STRA6: variants seen among roughly 807,000 people sequenced by gnomAD.
STRA6 encodes the protein signaling receptor and transporter of retinol STRA6.
Under a neutral mutation model 83.6 loss-of-function variants are expected in STRA6, and 48 were observed. The ratio of observed to expected loss-of-function variants is 0.57; its 90% CI spans 0.46 to 0.73. The LOEUF (loss-of-function observed/expected upper bound fraction) is 0.73. Among genes scored for constraint, STRA6 ranks in the 30% least tolerant of loss-of-function variants. The pLI, the probability that STRA6 is intolerant of heterozygous loss-of-function variation, is 0.00. For synonymous variants in STRA6, 353 were observed against 362.3 expected, an observed-to-expected ratio of 0.97 and a Z score of 0.29; for missense variants, 760 against 838.8, an observed-to-expected ratio of 0.91 and a Z score of 1.16.
chr15:74,191,312 G>A, intron 9 of STRA6, 69 bp from the exon 10 acceptor site: 2 of 1,610,526 alleles, frequency 1.2e-6, no homozygotes, highest in African/African-American at 1.3e-5. Context: ...AGCCCCAGAG[G>A]CTGGTCATTC....
At chr15:74,181,183 C>A in intron 17 of STRA6, 112 bp downstream of exon 17, 1 of 1,498,840 alleles carries the variant, frequency 6.7e-7, no homozygotes, top group Non-Finnish European at 9.0e-7. Context: ...GCACATGCAG[C>A]TACAGGCATC....
intron 12 of STRA6, 107 bp from the exon 13 acceptor site, chr15:74,185,162 C>A: frequency 9.2e-7 from 1 of 1,090,690 alleles, no homozygotes; most frequent in Non-Finnish European, 1.4e-6. Context: ...CCCCCTGCCC[C>A]AAACTGAACT....
At position 74,185,071 on chromosome 15, in the gene STRA6, T is replaced by C; in HGVS notation, c.1091-16A>G. On this transcript the variant is annotated splice_polypyrimidine_tract_variant and intron_variant, in intron 12 of 18. Transcript: ENST00000395105. ...ATGTAGCACACTGGTGGGCAGAGAA[T>C]GAGCAAAGTGAGAGGTCAGGGTCTG... 1 of 1,613,128 alleles carries C rather than the reference T, an allele frequency of 6.2e-7. No individual in the cohort carries two copies. The highest frequency in any genetic ancestry group is 8.5e-7 in the Non-Finnish European group (1 of 1,179,398).
upstream of STRA6, among the ~76,000 whole-genome samples, chr15:74,211,389 CT>C (rs1249975573): frequency 1.4e-5 from 2 of 146,846 alleles, no homozygotes; most frequent in Non-Finnish European, 3.0e-5. Flanking sequence ...ATATCTGCCC[CT>C]GGCTTTTTTT....
chr15:74,192,990 C>G (rs1232697663), intron 8 of STRA6, among the ~76,000 whole-genome samples: 1 of 152,190 alleles, frequency 6.6e-6, no homozygotes, highest in Non-Finnish European at 1.5e-5. Context: ...CAGCACTGAG[C>G]CCGGGGCCTG....
rs776370037 is a variant in STRA6 at position 74,189,218 on chromosome 15, G to C, written c.987C>G (p.Val329=). ...VPTIQKVRAG[V]TTDVSYLLAG... is the part of the protein sequence containing the mutation. ...CCAGCAGGTAGGAGACATCCGTGGTGACCCCTGCCCTCACCTTCTGGATAG... is the reference window on the plus strand; with the variant it reads ...CCAGCAGGTAGGAGACATCCGTGGTCACCCCTGCCCTCACCTTCTGGATAG... The change falls in exon 12 of 19, where the codon GTC becomes GTG. Residue 329 remains valine (V), a synonymous_variant. Coordinates refer to ENST00000395105, the MANE Select transcript of STRA6 (RefSeq NM_022369.4). 2 of 1,612,228 alleles carry C rather than the reference G, an allele frequency of 1.2e-6. No individual in the cohort carries two copies. Among genetic ancestry groups the C allele is most frequent in the South Asian group, 1.1e-5 (1 of 90,500 alleles).
In STRA6 at chr15:74,197,798, G is replaced by A; in HGVS notation, c.134C>T (p.Thr45Ile). Residue 45 changes from threonine to isoleucine, a missense_variant, in exon 3 of 19, where the codon ACC becomes ATC. Transcript: ENST00000395105. ...QPEGEVPSCH[T>I]SIPPGLYHAC... ...GTGGTACAGGCCGGGTGGTATGCTG[G>A]TGTGGCAGGAGGGCACTTCCCTGCA... 6.2e-7 allele frequency: 1 copy of A among 1,613,542 alleles called. No homozygotes were observed. The highest frequency in any genetic ancestry group is 1.3e-5 in the African/African-American group (1 of 75,062).
chr15:74,196,409 G>T (rs2142056208), intron 4 of STRA6: 2 of 510,242 alleles, frequency 3.9e-6, no homozygotes, highest in African/African-American at 1.9e-5. Flanking sequence ...CACCCTGGAA[G>T]CTCCAGGAAG....
upstream of STRA6, among the ~76,000 whole-genome samples, chr15:74,207,276 A>T (rs2074280828): frequency 6.6e-6 from 1 of 152,132 alleles, no homozygotes; most frequent in South Asian, 2.1e-4. Context: ...AACCTCAGAA[A>T]CATCCCCTCA....
Position 74,195,197 on chromosome 15 carries a change from C to T in STRA6, c.597+105G>A, listed in dbSNP as rs533785223. The T allele has an allele frequency of 7.1e-6, 11 of 1,542,394 alleles. No individual in the cohort carries two copies. The African/African-American group carries it at 8.2e-5, about 11-fold the overall frequency. On this transcript the variant is annotated intron_variant, in intron 7 of 18. Transcript: ENST00000395105. ...ATGGAATCCCATGCACAATGGAAGG[C>T]TGCAGGGCGGCCCATCATAGAATCA...
At chr15:74,201,031 AGGATATGT>A (rs932406055) in intron 2 of STRA6, among the ~76,000 whole-genome samples, 2 of 152,184 alleles carry the variant, frequency 1.3e-5, no homozygotes, top group Admixed American at 6.5e-5. Context: ...CATACACAGC[AGGATATGT>A]GGAGCCCACA....
upstream of STRA6, among the ~76,000 whole-genome samples, chr15:74,205,816 A>G (rs1233010304): frequency 6.6e-6 from 1 of 152,150 alleles, no homozygotes; most frequent in Non-Finnish European, 1.5e-5. Context: ...AGAGGCCACC[A>G]AGGGAGGCCC....
chr15:74,211,307 TTG>T (rs999805077), upstream of STRA6, among the ~76,000 whole-genome samples: 21 of 151,928 alleles, frequency 1.4e-4, no homozygotes, highest in African/African-American at 4.8e-4. Flanking sequence ...AATTGCAGGA[TTG>T]GGACACACCT....
chr15:74,189,237 T>C lies in STRA6; in HGVS notation c.968A>G (p.Gln323Arg), dbSNP rs376692996. The change falls in exon 12 of 19, where the codon CAG (glutamine) becomes CGG (arginine). Residue 323 changes from glutamine (Q) to arginine (R), a missense_variant. Transcript: ENST00000395105. ...LLLVGVVPTI[Q>R]KVRAGVTTDV... is the part of the protein sequence containing the mutation. ...CGTGGTGACCCCTGCCCTCACCTTC[T>C]GGATAGTGGGTACCACGCCCACCAG... 2 of 1,609,274 alleles carry C rather than the reference T, an allele frequency of 1.2e-6. No individual in the cohort carries two copies. Among genetic ancestry groups the C allele is most frequent in the South Asian group, 1.1e-5 (1 of 89,970 alleles).
upstream of STRA6, chr15:74,203,095 C>G (rs1417612447): frequency 1.0e-6 from 1 of 985,434 alleles, no homozygotes; most frequent in African/African-American, 1.7e-5. Flanking sequence ...ACAGCAACAA[C>G]CGAGTGAGAC....
upstream of STRA6, chr15:74,209,101 C>G (rs2074327584): frequency 6.9e-6 from 9 of 1,308,210 alleles, no homozygotes; most frequent in South Asian, 1.8e-4. Flanking sequence ...CACAGACCTC[C>G]CGCCCTTGAT....
chr15:74,208,680 C>T, intron 1 of STRA6: 1 of 983,932 alleles, frequency 1.0e-6, no homozygotes, highest in South Asian at 4.7e-5. Context: ...TCACTCTGCT[C>T]ACTTCCTGCC....
chr15:74,205,951 A>G (rs2074252563), upstream of STRA6, among the ~76,000 whole-genome samples: 1 of 152,248 alleles, frequency 6.6e-6, no homozygotes, highest in African/African-American at 2.4e-5. Flanking sequence ...GGTAAGGGCC[A>G]GGTTTCTGCA....
intron 16 of STRA6, 55 bp downstream of exon 16, chr15:74,182,106 A>G: frequency 6.9e-7 from 1 of 1,449,938 alleles, no homozygotes; most frequent in Non-Finnish European, 9.7e-7. Context: ...AAAGAGAGAG[A>G]CACCGAAGAA....
Sources: gnomAD v4.1 joint callset for allele counts (sites outside exome capture counted in the v4.1 genomes callset) on GRCh38, gnomAD v4.1.1 for gene constraint, MANE v1.5 for transcripts, NCBI Gene and HGNC (gene_info 2026-07-23, HGNC 2026-07-21) for gene names.